Variants in ATP2B1 observed in about 807,000 individuals in gnomAD.
ATP2B1 encodes plasma membrane calcium-transporting ATPase 1.
ATP2B1 carries 14 observed loss-of-function variants against 124.2 expected under a neutral mutation model. That is an observed-to-expected ratio of 0.11 (90% confidence interval 0.07 to 0.18). The LOEUF is 0.18. ATP2B1 is among the 10% of genes least tolerant of loss of function. The pLI is 1.00. For missense variants in ATP2B1, 763 were observed against 1,466.1 expected (o/e 0.52, Z 7.83); for synonymous variants, 449 against 492.4 (o/e 0.91, Z 1.17).
intron 1 of ATP2B1, among the ~76,000 whole-genome samples, chr12:89,708,178 G>A (rs1016872097): frequency 2.6e-5 from 4 of 152,160 alleles, no homozygotes. Flanking sequence ...GGGGCGCGGG[G>A]AGAGGGAGTG....
At chr12:89,695,663 A>G (rs185955759) in intron 1 of ATP2B1, among the ~76,000 whole-genome samples, 219 of 152,258 alleles carry the variant, frequency 1.4e-3, no homozygotes, top group Non-Finnish European at 2.1e-3. Context: ...AGATAGATAC[A>G]TTAATCTATT....
chr12:89,697,567 T>G (rs1366655056), intron 1 of ATP2B1, among the ~76,000 whole-genome samples: 1 of 152,156 alleles, frequency 6.6e-6, no homozygotes, highest in Non-Finnish European at 1.5e-5. Flanking sequence ...ATGACATATC[T>G]GGGTTATCCA....
At chr12:89,647,854 T>C (rs987701490) in intron 2 of ATP2B1, among the ~76,000 whole-genome samples, 5 of 152,108 alleles carry the variant, frequency 3.3e-5, no homozygotes, top group African/African-American at 9.7e-5. Context: ...CAGTAGTTCA[T>C]GCCAGATCTG....
intron 20 of ATP2B1, among the ~76,000 whole-genome samples, chr12:89,596,978 A>G (rs1406360997): frequency 6.6e-6 from 1 of 152,108 alleles, no homozygotes; most frequent in African/African-American, 2.4e-5. Flanking sequence ...CACCTCCTTC[A>G]GGCAATTTTT....
rs962255906 is a variant in ATP2B1, at chr12:89,706,659, T to C, written c.-222+1937A>G. 5.9e-5 allele frequency among the ~76,000 whole-genome samples: 9 copies of C among 152,030 alleles called. No individual in the cohort carries two copies. The East Asian group carries it at 1.5e-3, about 26-fold the overall frequency. ...AGAGAATACAGAAAAATGAAGACAA[T>C]TCCCCCTTACACGTCAAAATGGGGA... is the stretch of plus-strand genomic sequence containing the variant. On this transcript the variant is annotated intron_variant, in intron 1 of 20. Transcript: ENST00000428670.
chr12:89,624,871 AT>A (rs1880579165), intron 8 of ATP2B1, among the ~76,000 whole-genome samples: 1 of 152,202 alleles, frequency 6.6e-6, no homozygotes, highest in Non-Finnish European at 1.5e-5. Context: ...ACAAAGTATT[AT>A]TTCTTCAATT....
At chr12:89,652,842 A>T (rs530724347) in intron 2 of ATP2B1, among the ~76,000 whole-genome samples, 1 of 152,284 alleles carries the variant, frequency 6.6e-6, no homozygotes, top group South Asian at 2.1e-4. Context: ...GACTCAAGTG[A>T]TTCTCCTGCC....
intron 1 of ATP2B1, among the ~76,000 whole-genome samples, chr12:89,706,665 C>T (rs1438442275): frequency 6.6e-6 from 1 of 152,106 alleles, no homozygotes; most frequent in Non-Finnish European, 1.5e-5. Flanking sequence ...ACAATTCCCC[C>T]TTACACGTCA....
At chr12:89,693,539 C>T (rs1407012079) in intron 1 of ATP2B1, among the ~76,000 whole-genome samples, 2 of 152,186 alleles carry the variant, frequency 1.3e-5, no homozygotes, top group Non-Finnish European at 2.9e-5. Flanking sequence ...GAGCAGCACA[C>T]AGCCGTTGCT....
At chr12:89,599,014 G>C (rs1200791930) in intron 20 of ATP2B1, 103 bp downstream of exon 20, 6 of 1,336,194 alleles carry the variant, frequency 4.5e-6, no homozygotes, top group Non-Finnish European at 6.2e-6. Context: ...TTTGTGGGTT[G>C]GGAAGGCTAG....
At chr12:89,591,368 T>G (rs1873527737) in intron 20 of ATP2B1, 73 bp from the exon 21 acceptor site, 1 of 1,335,316 alleles carries the variant, frequency 7.5e-7, no homozygotes, top group Non-Finnish European at 1.0e-6. Context: ...TTTATGAGTT[T>G]GAATCCACAA....
At position 89,674,681 on chromosome 12, in the gene ATP2B1, A is replaced by C. The variant is rs779791734; in HGVS notation, c.-221-18574T>G. 3.9e-5 allele frequency among the ~76,000 whole-genome samples: 6 copies of C among 152,292 alleles called. 1 individual carries two copies. Among genetic ancestry groups the C allele is most frequent in the Non-Finnish European group, 4.4e-5 (3 of 68,020 alleles). On this transcript the variant is annotated intron_variant, in intron 1 of 20. Transcript: ENST00000428670. ...GTATTAATCAGCTTTCCATTTTACA[A>C]TAGAGGAAACTGAAGTGAGGCAGGT...
At chr12:89,615,083 A>G (rs577770549) in intron 12 of ATP2B1, among the ~76,000 whole-genome samples, 9 of 152,192 alleles carry the variant, frequency 5.9e-5, no homozygotes, top group South Asian at 2.1e-4. Flanking sequence ...TCTTCTTTAC[A>G]TTTATAGCCA....
chr12:89,697,635 G>A (rs1407362275), intron 1 of ATP2B1, among the ~76,000 whole-genome samples: 1 of 148,922 alleles, frequency 6.7e-6, no homozygotes, highest in Non-Finnish European at 1.5e-5. Context: ...ACTTATACAT[G>A]CATAAAGTCT....
At chr12:89,641,998 C>T (rs1413900208) in intron 3 of ATP2B1, 160 bp downstream of exon 3, 1 of 698,458 alleles carries the variant, frequency 1.4e-6, no homozygotes. Context: ...CATAGGGTTA[C>T]TGTGAAAGTT....
intron 1 of ATP2B1, among the ~76,000 whole-genome samples, chr12:89,675,007 A>C (rs1470418509): frequency 2.0e-5 from 3 of 152,234 alleles, no homozygotes; most frequent in African/African-American, 7.2e-5. Context: ...AAGATTAGCC[A>C]AAATCTGAAA....
chr12:89,660,018 T>A (rs1402924372), intron 1 of ATP2B1, among the ~76,000 whole-genome samples: 4 of 144,298 alleles, frequency 2.8e-5, no homozygotes, highest in Non-Finnish European at 1.5e-5. Context: ...TATAAGAAAA[T>A]AGCAAAGTAA....
At chr12:89,696,084 G>A (rs983429076) in intron 1 of ATP2B1, among the ~76,000 whole-genome samples, 1 of 152,206 alleles carries the variant, frequency 6.6e-6, no homozygotes, top group Non-Finnish European at 1.5e-5. Context: ...ACAGAAAGAT[G>A]CACAGTTCCT....
intron 2 of ATP2B1, among the ~76,000 whole-genome samples, chr12:89,647,474 A>G (rs996127994): frequency 8.5e-5 from 13 of 152,208 alleles, no homozygotes; most frequent in African/African-American, 2.7e-4. Flanking sequence ...TAGCATCCCA[A>G]TTGCAGGCAC....
Sources: allele counts gnomAD v4.1 joint callset (sites outside exome capture counted in the v4.1 genomes callset), GRCh38; gene constraint gnomAD v4.1.1; transcripts MANE v1.5; gene names NCBI Gene and HGNC (gene_info 2026-07-23, HGNC 2026-07-21).